FAAH2: variants seen among roughly 807,000 people sequenced by gnomAD.
FAAH2 encodes the protein fatty-acid amide hydrolase 2.
FAAH2 carries 60 observed loss-of-function variants against 36.9 expected under a neutral mutation model. That is an observed-to-expected ratio of 1.63 (90% CI 1.32 to 2.02). The LOEUF (loss-of-function observed/expected upper bound fraction) is 2.02, where lower values mean the gene tolerates loss of function less well. Among genes scored for constraint, FAAH2 ranks in the 30% most tolerant of loss-of-function variants. The pLI, the probability that FAAH2 is intolerant of heterozygous loss-of-function variation, is 0.00. For synonymous variants in FAAH2, 214 were observed against 143.8 expected, an observed-to-expected ratio of 1.49 and a Z score of -3.49; for missense variants, 689 against 397.5, an observed-to-expected ratio of 1.73 and a Z score of -6.23.
intron 10 of FAAH2, among the ~76,000 whole-genome samples, chrX:57,469,167 A>C (rs2057109171): frequency 8.9e-6 from 1 of 112,227 alleles, no homozygotes; most frequent in Non-Finnish European, 1.9e-5. Context: ...AAGACCTTCA[A>C]AGCTAGGAAG....
chrX:57,209,984 G>A, the FAAH2 span, among the ~76,000 whole-genome samples: 3 of 109,402 alleles, frequency 2.7e-5, no homozygotes, highest in Non-Finnish European at 3.8e-5. Context: ...CAAAATTGCT[G>A]TGCTCTCCCT....
intron 7 of FAAH2, among the ~76,000 whole-genome samples, chrX:57,416,050 C>A (rs145721803): frequency 0.019 from 2,088 of 110,245 alleles, 49 homozygotes; most frequent in African/African-American, 0.065. Flanking sequence ...GATTGCAACC[C>A]CTGCTTGTTT....
At chrX:57,440,142 T>G (rs1281004019) in intron 8 of FAAH2, among the ~76,000 whole-genome samples, 1 of 111,611 alleles carries the variant, frequency 9.0e-6, no homozygotes, top group Non-Finnish European at 1.9e-5. Context: ...GTGAAGAAAG[T>G]CATTGGTAGC....
At chrX:57,480,284 C>A (rs772951753) in intron 10 of FAAH2, among the ~76,000 whole-genome samples, 54 of 111,724 alleles carry the variant, frequency 4.8e-4, no homozygotes, top group Admixed American at 1.4e-3. Context: ...CATCTTGATA[C>A]CAAAGCCGGG....
At chrX:57,142,936 T>G in the FAAH2 span, among the ~76,000 whole-genome samples, 1 of 111,713 alleles carries the variant, frequency 9.0e-6, no homozygotes, top group East Asian at 2.8e-4. Context: ...CTGCTCTATT[T>G]TGGTTTCCAT....
intron 10 of FAAH2, among the ~76,000 whole-genome samples, chrX:57,484,923 G>A (rs1044254626): frequency 8.1e-5 from 9 of 111,401 alleles, no homozygotes; most frequent in Non-Finnish European, 1.5e-4. Flanking sequence ...AATGGGGAGA[G>A]TTGGGTTGGT....
In FAAH2 at chrX:57,488,771, C is replaced by A; in HGVS notation, c.1438C>A (p.Leu480Met). ...NFAYTGVFSA[L>M]GLPVTQCPLG... ...GTTTTCTTCAGGTGTCTTCAGTGCC[C>A]TGGGTTTGCCTGTGACCCAATGCCC... Residue 480 changes from leucine to methionine, a missense_variant, in exon 11 of 11, where the codon CTG (leucine) becomes ATG (methionine). By Grantham distance (15) the Leu-to-Met change is conservative (BLOSUM62 2). Transcript: ENST00000374900. The A allele has an allele frequency of 6.6e-6, 8 of 1,209,799 alleles. No homozygotes were observed. Among genetic ancestry groups the A allele is most frequent in the Non-Finnish European group, 8.9e-6 (8 of 894,802 alleles).
At chrX:57,467,589 A>G (rs1224187453) in intron 10 of FAAH2, among the ~76,000 whole-genome samples, 5 of 111,725 alleles carry the variant, frequency 4.5e-5, no homozygotes, top group African/African-American at 1.6e-4. Flanking sequence ...GAGTAGGTAA[A>G]CAAAGCAGCC....
At chrX:57,240,317 G>A in the FAAH2 span, among the ~76,000 whole-genome samples, 2 of 111,387 alleles carry the variant, frequency 1.8e-5, no homozygotes. Context: ...GCACTACTGG[G>A]CTGTGTAATT....
At position 57,331,620 on chromosome X, in the gene FAAH2, C is replaced by A. The variant is rs911301968; in HGVS notation, c.435C>A (p.Leu145=). 13 of 1,210,993 alleles carry A rather than the reference C, an allele frequency of 1.1e-5. No homozygotes were observed. Among genetic ancestry groups the A allele is most frequent in the Non-Finnish European group, 1.5e-5 (13 of 894,839 alleles). Residue 145 remains leucine, a synonymous_variant, in exon 4 of 11, where the codon CTC becomes CTA. Transcript: ENST00000374900. ...QLQGMPNSSG[L]MNRRDAIAKT... is the part of the protein sequence containing the mutation. ...TAGGAATGCCCAATTCTTCTGGACT[C>A]ATGAACCGTCGTGATGCCATTGCCA...
At chrX:57,444,376 G>A (rs1452688474) in intron 8 of FAAH2, among the ~76,000 whole-genome samples, 1 of 112,368 alleles carries the variant, frequency 8.9e-6, no homozygotes, top group Non-Finnish European at 1.9e-5. Context: ...CTAGCAGTGA[G>A]TGAGGCTCTG....
At chrX:57,270,701 G>A in the FAAH2 span, among the ~76,000 whole-genome samples, 2 of 111,618 alleles carry the variant, frequency 1.8e-5, no homozygotes, top group Non-Finnish European at 3.8e-5. Flanking sequence ...AGTCAGGTGG[G>A]TTGTTGCCTC....
At chrX:57,415,579 G>A (rs935085987) in intron 7 of FAAH2, among the ~76,000 whole-genome samples, 1 of 111,811 alleles carries the variant, frequency 8.9e-6, no homozygotes, top group Non-Finnish European at 1.9e-5. Context: ...ATTGCACTGT[G>A]GTCTGAGAGA....
At chrX:57,353,487 T>TAAAAAAAAAAAAAAAAAAAAAAAAA (rs3035714) in intron 5 of FAAH2, among the ~76,000 whole-genome samples, 1 of 83,836 alleles carries the variant, frequency 1.2e-5, no homozygotes, top group Non-Finnish European at 2.3e-5. Flanking sequence ...CCCAAATTAT[T>TAAAAAAAAAAAAAAAAAAAAAAAAA]AAAAAAAAAA....
chrX:57,419,502 A>T lies in FAAH2; in HGVS notation c.997-12416A>T, dbSNP rs1283295154. Among the ~76,000 whole-genome samples the T allele has an allele frequency of 8.9e-5, 10 of 112,173 alleles. No individual in the cohort carries two copies. In the East Asian group the frequency reaches 1.4e-3, roughly 16 times the overall value. On this transcript the variant is annotated intron_variant, in intron 7 of 10. Transcript: ENST00000374900. ...AGCATTTTTTCGTGTGTTTTTTGGC[A>T]GCATAAATGTCTTCTTTTGAGAAGT...
chrX:57,417,444 A>T (rs1325287894), intron 7 of FAAH2, among the ~76,000 whole-genome samples: 2 of 111,617 alleles, frequency 1.8e-5, no homozygotes, highest in African/African-American at 6.5e-5. Context: ...TGTTGATGCT[A>T]TCCCTTTTGG....
At chrX:57,149,551 G>C in the FAAH2 span, among the ~76,000 whole-genome samples, 8 of 111,794 alleles carry the variant, frequency 7.2e-5, no homozygotes, top group African/African-American at 2.6e-4. Flanking sequence ...GCATAGAGGT[G>C]TTCATAGTAT....
At chrX:57,391,287 A>T in intron 7 of FAAH2, among the ~76,000 whole-genome samples, 1 of 111,016 alleles carries the variant, frequency 9.0e-6, no homozygotes, top group East Asian at 2.8e-4. Context: ...TGCTCTGTTG[A>T]TTATTTCCTT....
chrX:57,141,148 C>T, the FAAH2 span, among the ~76,000 whole-genome samples: 2 of 111,074 alleles, frequency 1.8e-5, no homozygotes, highest in Non-Finnish European at 3.8e-5. Flanking sequence ...TTTCATGAAA[C>T]GATGTTAAAT....
Sources: gnomAD v4.1 joint callset for allele counts (sites outside exome capture counted in the v4.1 genomes callset) on GRCh38, gnomAD v4.1.1 for gene constraint, MANE v1.5 for transcripts, NCBI Gene and HGNC (gene_info 2026-07-23, HGNC 2026-07-21) for gene names.